ZFR: variants seen among roughly 807,000 people sequenced by gnomAD.
The protein encoded by ZFR is zinc finger RNA binding protein.
Under a neutral mutation model 130.7 loss-of-function variants are expected in ZFR, and 19 were observed. That is an observed-to-expected ratio of 0.15 (90% confidence interval 0.10 to 0.21). The LOEUF (loss-of-function observed/expected upper bound fraction) is 0.21. ZFR is among the 10% of genes least tolerant of loss of function. The pLI is 1.00. For synonymous variants in ZFR, 466 were observed against 456.9 expected (o/e 1.02, Z -0.25); for missense variants, 872 against 1,321.5 (o/e 0.66, Z 5.27).
At chr5:32,413,194 AAAAAAACAAAACAAAACAAAAC>A (rs1017164864) in intron 5 of ZFR, among the ~76,000 whole-genome samples, 6 of 151,662 alleles carry the variant, frequency 4.0e-5, no homozygotes, top group East Asian at 1.9e-4. Flanking sequence ...TTTAATCTCA[AAAAAAACAAAACAAAACAAAAC>A]AAAAAACAAA....
intron 14 of ZFR, 141 bp from the exon 15 acceptor site, chr5:32,385,790 C>T: frequency 1.3e-6 from 1 of 788,022 alleles, no homozygotes; most frequent in Non-Finnish European, 2.0e-6. Context: ...TTCTAGGAAG[C>T]CCTGCCGTAC....
chr5:32,397,398 C>A (rs776546513), intron 9 of ZFR, 60 bp from the exon 10 acceptor site: 30 of 1,568,790 alleles, frequency 1.9e-5, no homozygotes, highest in Non-Finnish European at 2.6e-5. Context: ...ATTCATAAAC[C>A]CCCACATATT....
At chr5:32,425,597 G>A (rs963967124) in intron 2 of ZFR, among the ~76,000 whole-genome samples, 1 of 152,054 alleles carries the variant, frequency 6.6e-6, no homozygotes, top group Non-Finnish European at 1.5e-5. Flanking sequence ...GCACAATCTC[G>A]GCTCACTGCA....
At chr5:32,393,477 G>A (rs753364666) in intron 11 of ZFR, among the ~76,000 whole-genome samples, 23 of 151,930 alleles carry the variant, frequency 1.5e-4, no homozygotes, top group Non-Finnish European at 2.6e-4. Context: ...CTGAGTAGCC[G>A]GAATTACAGG....
At chr5:32,395,858 C>T (rs1048484433) in intron 10 of ZFR, among the ~76,000 whole-genome samples, 2 of 152,082 alleles carry the variant, frequency 1.3e-5, no homozygotes, top group Non-Finnish European at 2.9e-5. Context: ...ACATGACATA[C>T]CAAAAATGTG....
intron 15 of ZFR, chr5:32,383,827 T>C (rs141209244): frequency 8.8e-6 from 4 of 456,650 alleles, no homozygotes; most frequent in African/African-American, 6.0e-5. Context: ...ACTGCAGTTA[T>C]CTGCAGCAAG....
At chr5:32,393,618 A>T (rs1329095041) in intron 11 of ZFR, among the ~76,000 whole-genome samples, 2 of 152,214 alleles carry the variant, frequency 1.3e-5, no homozygotes, top group Non-Finnish European at 2.9e-5. Flanking sequence ...TTGGGATTAC[A>T]GGTATGAGCA....
intron 6 of ZFR, among the ~76,000 whole-genome samples, chr5:32,406,371 T>C (rs963444828): frequency 6.6e-6 from 1 of 152,190 alleles, no homozygotes; most frequent in Non-Finnish European, 1.5e-5. Context: ...CTGAAAATTA[T>C]AGATTATCAG....
intron 2 of ZFR, among the ~76,000 whole-genome samples, chr5:32,426,235 A>G (rs905445938): frequency 2.6e-5 from 4 of 152,122 alleles, no homozygotes; most frequent in African/African-American, 9.7e-5. Context: ...CATCACATCT[A>G]CTCTCTACAA....
intron 11 of ZFR, among the ~76,000 whole-genome samples, chr5:32,394,898 T>A (rs1753266602): frequency 6.6e-6 from 1 of 152,184 alleles, no homozygotes; most frequent in Admixed American, 6.5e-5. Context: ...ATTTATAATA[T>A]GAAACTATTT....
intron 2 of ZFR, among the ~76,000 whole-genome samples, chr5:32,437,248 T>C (rs925787030): frequency 1.3e-5 from 2 of 152,206 alleles, no homozygotes; most frequent in Non-Finnish European, 2.9e-5. Context: ...GGCATAGTTA[T>C]TTGTAGACTC....
intron 17 of ZFR, among the ~76,000 whole-genome samples, chr5:32,367,260 C>T (rs2111670549): frequency 6.6e-6 from 1 of 151,990 alleles, no homozygotes; most frequent in South Asian, 2.1e-4. Flanking sequence ...ATGGCGAAAT[C>T]CTGTCTCTAC....
intron 2 of ZFR, among the ~76,000 whole-genome samples, chr5:32,440,553 A>C (rs1005029491): frequency 5.9e-5 from 9 of 152,102 alleles, no homozygotes; most frequent in Admixed American, 6.5e-5. Context: ...AGGCTGAGGC[A>C]GGAGAATCAC....
At chr5:32,398,180 G>C (rs1753361735) in intron 9 of ZFR, among the ~76,000 whole-genome samples, 1 of 152,058 alleles carries the variant, frequency 6.6e-6, no homozygotes. Flanking sequence ...TAATATTTTT[G>C]TATGTATGTA....
intron 2 of ZFR, among the ~76,000 whole-genome samples, chr5:32,441,039 T>C (rs1754461242): frequency 6.6e-6 from 1 of 152,156 alleles, no homozygotes; most frequent in Non-Finnish European, 1.5e-5. Context: ...AATCGCGCGA[T>C]CTTGGCTCAC....
chr5:32,405,960 G>A (rs1026351794), intron 6 of ZFR, among the ~76,000 whole-genome samples: 1 of 152,160 alleles, frequency 6.6e-6, no homozygotes, highest in Non-Finnish European at 1.5e-5. Flanking sequence ...ACACAGGTAG[G>A]GCAAATGAGA....
chr5:32,390,196 T>C (rs1450195274), intron 12 of ZFR, 79 bp downstream of exon 12: 14 of 1,507,000 alleles, frequency 9.3e-6, no homozygotes, highest in Non-Finnish European at 1.3e-5. Flanking sequence ...GTCTAAACAT[T>C]AGCCCCTCCA....
intron 2 of ZFR, among the ~76,000 whole-genome samples, chr5:32,432,996 T>C (rs2111857798): frequency 6.6e-6 from 1 of 152,060 alleles, no homozygotes; most frequent in Middle Eastern, 3.4e-3. Context: ...CCTCCCAAAG[T>C]GCAGGGATTA....
intron 19 of ZFR, among the ~76,000 whole-genome samples, chr5:32,360,793 T>C (rs1357659075): frequency 1.3e-5 from 2 of 152,188 alleles, no homozygotes; most frequent in Non-Finnish European, 2.9e-5. Context: ...GGTCTTGCTA[T>C]GTTGCTCAAA....
Sources: allele counts gnomAD v4.1 joint callset (sites outside exome capture counted in the v4.1 genomes callset), GRCh38; gene constraint gnomAD v4.1.1; transcripts MANE v1.5; gene names NCBI Gene and HGNC (gene_info 2026-07-23, HGNC 2026-07-21).